HLCS: variants seen among roughly 807,000 people sequenced by gnomAD.
The protein encoded by HLCS is biotin--protein ligase.
Under a neutral mutation model 75.0 loss-of-function variants are expected in HLCS, and 53 were observed. The ratio of observed to expected loss-of-function variants is 0.71; its 90% CI spans 0.57 to 0.89. HLCS has a LOEUF of 0.89. Ranked by LOEUF, HLCS falls within the 40% of genes least tolerant of loss-of-function variation. The probability of loss-of-function intolerance (pLI) is 0.00; values close to 1 mark genes in which losing one functional copy is unlikely to be tolerated. For synonymous variants in HLCS, 431 were observed against 428.6 expected (o/e 1.01, Z -0.07); for missense variants, 966 against 1,074.0 (o/e 0.90, Z 1.41).
At chr21:36,931,742 A>AT (rs1262451973) in intron 4 of HLCS, among the ~76,000 whole-genome samples, 3 of 144,984 alleles carry the variant, frequency 2.1e-5, no homozygotes, top group East Asian at 2.0e-4. Context: ...AAGTGCGACC[A>AT]TTTAAAAAGA....
At chr21:36,935,953 T>G (rs1030351218) in intron 4 of HLCS, among the ~76,000 whole-genome samples, 4 of 152,190 alleles carry the variant, frequency 2.6e-5, no homozygotes, top group Non-Finnish European at 5.9e-5. Flanking sequence ...AGAAAGGAAT[T>G]GGGAACCTGA....
At chr21:36,770,141 CTTTTTTTTTTTT>C (rs902358188) in intron 6 of HLCS, among the ~76,000 whole-genome samples, 1 of 103,632 alleles carries the variant, frequency 9.6e-6, no homozygotes, top group African/African-American at 4.3e-5. Context: ...ACTATAGATG[CTTTTTTTTTTTT>C]TTTTTTTTTT....
intron 6 of HLCS, among the ~76,000 whole-genome samples, chr21:36,869,307 T>C (rs2063690519): frequency 6.6e-6 from 1 of 152,012 alleles, no homozygotes; most frequent in Non-Finnish European, 1.5e-5. Flanking sequence ...TAATCTTTTG[T>C]ATTTTTCGTA....
At chr21:36,809,889 C>T (rs1386201798) in intron 6 of HLCS, among the ~76,000 whole-genome samples, 1 of 152,202 alleles carries the variant, frequency 6.6e-6, no homozygotes, top group African/African-American at 2.4e-5. Flanking sequence ...CAAGGGCACA[C>T]TACCATGCCC....
intron 6 of HLCS, among the ~76,000 whole-genome samples, chr21:36,817,569 C>T (rs1425440481): frequency 6.6e-6 from 1 of 152,218 alleles, no homozygotes; most frequent in Non-Finnish European, 1.5e-5. Context: ...GCTTCTTCAC[C>T]CACTGCACTG....
At chr21:36,888,843 A>T (rs949464036) in intron 6 of HLCS, among the ~76,000 whole-genome samples, 1 of 152,040 alleles carries the variant, frequency 6.6e-6, no homozygotes, top group Non-Finnish European at 1.5e-5. Context: ...CATTTTCCCT[A>T]CTAGATTACG....
At chr21:36,944,748 C>T (rs777160185) in intron 2 of HLCS, among the ~76,000 whole-genome samples, 1 of 152,148 alleles carries the variant, frequency 6.6e-6, no homozygotes, top group Admixed American at 6.5e-5. Flanking sequence ...CCTCGTCAAG[C>T]TCCCTTCATT....
intron 6 of HLCS, among the ~76,000 whole-genome samples, chr21:36,882,109 C>T (rs531850708): frequency 3.4e-4 from 51 of 152,046 alleles, no homozygotes; most frequent in African/African-American, 1.2e-3. Flanking sequence ...GGTGAAACCC[C>T]GTCTCTACTA....
intron 6 of HLCS, among the ~76,000 whole-genome samples, chr21:36,859,469 C>G (rs1366109538): frequency 2.6e-5 from 4 of 152,220 alleles, no homozygotes; most frequent in Non-Finnish European, 5.9e-5. Context: ...CCCCACTCTG[C>G]AAACTCCACT....
At chr21:36,931,283 C>CAAAAA (rs57829948) in intron 4 of HLCS, among the ~76,000 whole-genome samples, 5 of 75,436 alleles carry the variant, frequency 6.6e-5, no homozygotes, top group African/African-American at 1.1e-4. Context: ...AACTCCATCG[C>CAAAAA]AAAAAAAAAA....
chr21:36,902,731 A>G (rs550436530), intron 5 of HLCS, among the ~76,000 whole-genome samples: 2 of 152,092 alleles, frequency 1.3e-5, no homozygotes, highest in East Asian at 3.9e-4. Flanking sequence ...AGACGAATGC[A>G]GTGGGGAGAA....
Position 36,756,750 on chromosome 21 carries a change from C to A in HLCS, c.2242G>T (p.Gly748Ter). The change falls in exon 10 of 11, where the codon GGA (glycine) becomes TGA (stop). Residue 748 changes from glycine to a stop codon, truncating the protein, a stop_gained. Coordinates refer to ENST00000674895, the MANE Select transcript of HLCS (RefSeq NM_001352514.2). LOFTEE classifies it high-confidence loss of function. ...GGGTTACTGTTAGTCACATTAAATC[C>A]ACAGCCTGGACAAAAACAAACAATT... is the stretch of plus-strand genomic sequence containing the variant. ...GETFYILIGC[G>*]FNVTNSNPTI... 1 of 1,614,074 alleles carries A rather than the reference C, an allele frequency of 6.2e-7. No individual in the cohort carries two copies. The highest frequency in any genetic ancestry group is 8.5e-7 in the Non-Finnish European group (1 of 1,180,000).
intron 6 of HLCS, among the ~76,000 whole-genome samples, chr21:36,884,180 AAT>A (rs1272183969): frequency 6.6e-6 from 1 of 152,244 alleles, no homozygotes; most frequent in Non-Finnish European, 1.5e-5. Flanking sequence ...CAGATAAAAG[AAT>A]CTGGCTGCCT....
intron 5 of HLCS, among the ~76,000 whole-genome samples, chr21:36,904,710 A>G (rs1381489779): frequency 2.6e-5 from 4 of 152,222 alleles, no homozygotes; most frequent in African/African-American, 9.6e-5. Flanking sequence ...AAATACCAAA[A>G]TTACTATCTG....
At chr21:36,767,941 GA>G (rs2090098347) in intron 6 of HLCS, among the ~76,000 whole-genome samples, 1 of 152,096 alleles carries the variant, frequency 6.6e-6, no homozygotes, top group African/African-American at 2.4e-5. Context: ...GGGATAGGTA[GA>G]AAAGGGCATT....
intron 5 of HLCS, among the ~76,000 whole-genome samples, chr21:36,910,382 TA>T (rs1156999119): frequency 1.3e-5 from 2 of 151,900 alleles, no homozygotes; most frequent in Admixed American, 6.6e-5. Context: ...CCATCTCTAC[TA>T]AAAAATACAA....
chr21:36,782,981 A>G (rs559803956), intron 6 of HLCS, among the ~76,000 whole-genome samples: 1 of 152,274 alleles, frequency 6.6e-6, no homozygotes, highest in Admixed American at 6.5e-5. Context: ...TGTCTCCGAA[A>G]AAAACCAAAA....
chr21:36,870,284 T>TA (rs1358368523), intron 6 of HLCS, among the ~76,000 whole-genome samples: 1 of 152,094 alleles, frequency 6.6e-6, no homozygotes, highest in African/African-American at 2.4e-5. Flanking sequence ...CACCACAGGC[T>TA]TATTACCATG....
At chr21:36,867,871 G>A (rs1221855261) in intron 6 of HLCS, among the ~76,000 whole-genome samples, 6 of 152,198 alleles carry the variant, frequency 3.9e-5, no homozygotes, top group Non-Finnish European at 8.8e-5. Context: ...GGTGGCTCAC[G>A]CCTGTAATCC....
Sources: allele counts gnomAD v4.1 joint callset (sites outside exome capture counted in the v4.1 genomes callset), GRCh38; gene constraint gnomAD v4.1.1; transcripts MANE v1.5; gene names NCBI Gene and HGNC (gene_info 2026-07-23, HGNC 2026-07-21).